Variants in EHD2 observed in about 807,000 individuals in gnomAD.
The protein encoded by EHD2 is EH domain containing 2, also known as EH domain-containing protein 2.
EHD2 carries 27 observed loss-of-function variants against 41.0 expected under a neutral mutation model. The observed-to-expected ratio is 0.66, with a 90% CI of 0.49 to 0.91. The LOEUF is 0.91. Among genes scored for constraint, EHD2 ranks in the 40% least tolerant of loss-of-function variants. The pLI, the probability that EHD2 is intolerant of heterozygous loss-of-function variation, is 0.00. For synonymous variants in EHD2, 342 were observed against 341.0 expected (o/e 1.00, Z -0.03); for missense variants, 673 against 773.9 (o/e 0.87, Z 1.55).
chr19:47,742,824 C>T lies in EHD2; in HGVS notation c.*1392C>T, dbSNP rs928902765. ...AGTGGAGCCCCTACGTAGAAAGGCC[C>T]CGGGGCTTTATTTTAGTCTCCTTTT... is the stretch of plus-strand genomic sequence containing the variant. On this transcript the variant is annotated 3_prime_UTR_variant, in exon 6 of 6. Transcript: ENST00000263277. The T allele has an allele frequency of 6.6e-6, 1 of 152,458 alleles. No homozygotes were observed. The highest frequency in any genetic ancestry group is 2.4e-5 in the African/African-American group (1 of 41,388). The allele number at this position is 152,458 out of a possible 1,614,324, so 9.4% of individuals were successfully genotyped here.
At chr19:47,739,766 C>CTTTTT (rs1966966096) in intron 5 of EHD2, among the ~76,000 whole-genome samples, 1 of 148,864 alleles carries the variant, frequency 6.7e-6, no homozygotes. Flanking sequence ...TTTTTTTTAA[C>CTTTTT]TTTTAATGTT....
intron 1 of EHD2, among the ~76,000 whole-genome samples, 161 bp from the exon 2 acceptor site, chr19:47,716,397 C>T (rs993073544): frequency 1.3e-5 from 2 of 152,078 alleles, no homozygotes; most frequent in African/African-American, 4.8e-5. Flanking sequence ...CTTCCTCCTG[C>T]CACCTGCCAT....
chr19:47,722,561 TTCTC>T (rs1221208603), intron 3 of EHD2, among the ~76,000 whole-genome samples: 2 of 142,298 alleles, frequency 1.4e-5, no homozygotes, highest in Non-Finnish European at 3.1e-5. Flanking sequence ...GTCCCCTAAC[TTCTC>T]TCTCTTTTTT....
chr19:47,727,693 C>G (rs901082582), intron 4 of EHD2, among the ~76,000 whole-genome samples: 10 of 144,714 alleles, frequency 6.9e-5, no homozygotes, highest in African/African-American at 2.6e-4. Context: ...AGTGAGACAC[C>G]ATTTCTATTA....
intron 4 of EHD2, chr19:47,729,663 TA>T (rs903488942): frequency 3.9e-5 from 6 of 152,598 alleles, no homozygotes; most frequent in African/African-American, 1.4e-4. Context: ...GGTGTTGGTT[TA>T]AGGAGCAGCG....
In EHD2 at chr19:47,726,170, G is replaced by A; in HGVS notation, c.861G>A (p.Arg287=). The change falls in exon 4 of 6, where the codon CGG becomes CGA. Residue 287 remains arginine, a synonymous_variant. Coordinates refer to ENST00000263277, the MANE Select transcript of EHD2 (RefSeq NM_014601.4). Reference sequence around the variant, plus strand: ...TCCGCGACATCCAGGGCCTGCCCCGGCACGCAGCCTTGCGCAAGCTCAACG... The same window carrying A: ...TCCGCGACATCCAGGGCCTGCCCCGACACGCAGCCTTGCGCAAGCTCAACG... ...DLFRDIQGLP[R]HAALRKLNDL... 2 of 1,573,318 alleles carry A rather than the reference G, an allele frequency of 1.3e-6. No homozygotes were observed. The highest frequency in any genetic ancestry group is 1.9e-5 in the Admixed American group (1 of 52,822).
chr19:47,724,408 A>C (rs780462545), intron 3 of EHD2, among the ~76,000 whole-genome samples: 3 of 152,220 alleles, frequency 2.0e-5, no homozygotes, highest in Non-Finnish European at 4.4e-5. Flanking sequence ...ACACAAGTTC[A>C]GAGAGGTTAA....
At chr19:47,736,666 C>A in intron 5 of EHD2, 133 bp downstream of exon 5, 1 of 975,342 alleles carries the variant, frequency 1.0e-6, no homozygotes, top group Non-Finnish European at 1.5e-6. Flanking sequence ...CAAATAGTTC[C>A]GTGGGAGCAT....
At chr19:47,721,862 G>A (rs1312879953) in intron 3 of EHD2, among the ~76,000 whole-genome samples, 2 of 151,936 alleles carry the variant, frequency 1.3e-5, no homozygotes, top group African/African-American at 4.8e-5. Context: ...GTGCTTGCCT[G>A]TAATCCCACC....
intron 4 of EHD2, among the ~76,000 whole-genome samples, chr19:47,730,429 CAG>C (rs890404845): frequency 5.3e-5 from 8 of 152,122 alleles, no homozygotes; most frequent in Non-Finnish European, 8.8e-5. Context: ...GTTCAGGACA[CAG>C]GAGCATGGGA....
intron 4 of EHD2, among the ~76,000 whole-genome samples, chr19:47,729,321 C>T (rs1973784663): frequency 6.6e-6 from 1 of 152,120 alleles, no homozygotes; most frequent in Non-Finnish European, 1.5e-5. Context: ...GTGGTGTGGG[C>T]TGTGTCCGGG....
chr19:47,724,270 G>T (rs1167315875), intron 3 of EHD2, among the ~76,000 whole-genome samples: 4 of 151,774 alleles, frequency 2.6e-5, no homozygotes, highest in Non-Finnish European at 4.4e-5. Flanking sequence ...TTAGGGCTAG[G>T]CTGGTCTTGA....
rs538282994 is a variant in EHD2, at chr19:47,719,059, C to T, written c.502+453C>T. On this transcript the variant is annotated intron_variant, in intron 3 of 5. Coordinates refer to ENST00000263277, the MANE Select transcript of EHD2 (RefSeq NM_014601.4). This position sits in a 1 kb window ranked among gnomAD's most constrained non-coding sequence, Gnocchi z 4.1. The stretch of plus-strand genomic sequence containing the variant: ...CTCTGGCCCTGGCTGGCGGGGCAGC[C>T]GCAGGGAGCTAGTGGAAGCTGTGAC... Among the ~76,000 whole-genome samples the T allele has an allele frequency of 6.6e-5, 10 of 152,236 alleles. No individual in the cohort carries two copies. Among genetic ancestry groups the T allele is most frequent in the East Asian group, 1.9e-4 (1 of 5,174 alleles).
At chr19:47,739,274 ATTTTTTTTTTTTT>A (rs57266469) in intron 5 of EHD2, among the ~76,000 whole-genome samples, 2 of 116,068 alleles carry the variant, frequency 1.7e-5, no homozygotes, top group East Asian at 5.2e-4. Flanking sequence ...CTAATTTTTA[ATTTTTTTTTTTTT>A]TTTTTTTTTT....
chr19:47,721,388 C>T (rs964786796), intron 3 of EHD2, among the ~76,000 whole-genome samples: 2 of 151,728 alleles, frequency 1.3e-5, no homozygotes, highest in Non-Finnish European at 2.9e-5. Context: ...GACCTCGGCT[C>T]GCTGCAACCT....
chr19:47,723,878 T>C (rs1454881748), intron 3 of EHD2, among the ~76,000 whole-genome samples: 2 of 151,872 alleles, frequency 1.3e-5, no homozygotes, highest in South Asian at 4.2e-4. Context: ...AGAGACAGGG[T>C]CTTGTCATCT....
intron 3 of EHD2, among the ~76,000 whole-genome samples, chr19:47,721,926 A>G (rs1158964238): frequency 6.6e-6 from 1 of 151,644 alleles, no homozygotes; most frequent in Admixed American, 6.6e-5. Context: ...TGGAGGTTGC[A>G]GTGAGCCGAG....
rs901469885 is a variant in EHD2 at position 47,732,594 on chromosome 19, AT to A, written c.916-3766del. Among the ~76,000 whole-genome samples, 20 of 143,812 alleles carry A rather than the reference AT, an allele frequency of 1.4e-4. No homozygotes were observed. In the East Asian group the frequency reaches 3.0e-3, roughly 21 times the overall value. 94.3% of individuals were successfully genotyped at this position (143,812 alleles called of 152,430 possible). On this transcript the variant is annotated intron_variant, in intron 4 of 5. Coordinates refer to ENST00000263277, the MANE Select transcript of EHD2 (RefSeq NM_014601.4). ...GCCAGTACACCCAACTAGTTTTAAA[AT>A]TTTTTTTTAGAGACCAAGTCTTGCT...
chr19:47,717,906 TA>T (rs749665768), intron 2 of EHD2, among the ~76,000 whole-genome samples: 39,427 of 93,888 alleles, frequency 0.42, 7,048 homozygotes, highest in African/African-American at 0.53. Flanking sequence ...AGACTCTGTC[TA>T]AAAAAAAAAA....
Sources: gnomAD v4.1 joint callset for allele counts (sites outside exome capture counted in the v4.1 genomes callset) on GRCh38, gnomAD v4.1.1 for gene constraint, Gnocchi (gnomAD v3.1) non-coding constraint, MANE v1.5 for transcripts, NCBI Gene and HGNC (gene_info 2026-07-23, HGNC 2026-07-21) for gene names.